The following SRPX variants were observed in gnomAD, a reference collection of about 807,000 sequenced individuals.
The protein encoded by SRPX is sushi repeat-containing protein SRPX.
Under a neutral mutation model 38.1 loss-of-function variants are expected in SRPX, and 24 were observed. The observed-to-expected ratio is 0.63, with a 90% CI of 0.46 to 0.89. SRPX has a LOEUF of 0.89. Among genes scored for constraint, SRPX ranks in the 40% least tolerant of loss-of-function variants. SRPX has a pLI of 0.00. For missense variants in SRPX, 416 were observed against 377.8 expected, an observed-to-expected ratio of 1.10 and a Z score of -0.84; for synonymous variants, 184 against 153.8, an observed-to-expected ratio of 1.20 and a Z score of -1.45.
chrX:38,153,608 C>A (rs1938065060), intron 9 of SRPX, among the ~76,000 whole-genome samples: 1 of 111,366 alleles, frequency 9.0e-6, no homozygotes, highest in Non-Finnish European at 1.9e-5. Context: ...AAGTGAATTG[C>A]AATCATGTAA....
At chrX:38,174,451 T>G in intron 2 of SRPX, 100 bp from the exon 3 acceptor site, 1 of 705,521 alleles carries the variant, frequency 1.4e-6, no homozygotes, top group Non-Finnish European at 1.9e-6. Flanking sequence ...ACATTCCAAA[T>G]TTTGGACCTT....
rs187394653 is a variant in SRPX, at chrX:38,172,368, G to A, written c.350-311C>T. ...CTCGGGAGGCTACGGCAGGAGGATC[G>A]CTTGAACCCAGGAGGCAGAGGTTGC... On this transcript the variant is annotated intron_variant, in intron 3 of 9. Transcript: ENST00000378533. 3.6e-3 allele frequency among the ~76,000 whole-genome samples: 406 copies of A among 113,065 alleles called. 2 individuals are homozygous for A. Among genetic ancestry groups the A allele is most frequent in the African/African-American group, 0.012 (384 of 31,195 alleles).
At chrX:38,216,864 A>G (rs1274728607) in intron 1 of SRPX, among the ~76,000 whole-genome samples, 1 of 112,580 alleles carries the variant, frequency 8.9e-6, no homozygotes, top group Non-Finnish European at 1.9e-5. Context: ...CAAAAATAAT[A>G]AATGCAAACT....
intron 1 of SRPX, among the ~76,000 whole-genome samples, chrX:38,179,185 A>T (rs1938623424): frequency 9.0e-6 from 1 of 111,200 alleles, no homozygotes; most frequent in Non-Finnish European, 1.9e-5. Flanking sequence ...ACCTCAGATG[A>T]TCTGCCCGCC....
At chrX:38,183,722 G>A (rs1938714808) in intron 1 of SRPX, among the ~76,000 whole-genome samples, 1 of 111,661 alleles carries the variant, frequency 9.0e-6, no homozygotes, top group African/African-American at 3.3e-5. Flanking sequence ...TGCTAATTGA[G>A]GTTTTATTAT....
At chrX:38,181,866 T>C (rs1452370950) in intron 1 of SRPX, among the ~76,000 whole-genome samples, 1 of 111,425 alleles carries the variant, frequency 9.0e-6, no homozygotes, top group Non-Finnish European at 1.9e-5. Context: ...CACTGCTTTC[T>C]ACCCACAAGT....
intron 1 of SRPX, among the ~76,000 whole-genome samples, chrX:38,219,243 G>T (rs1939469975): frequency 9.0e-6 from 1 of 110,568 alleles, no homozygotes; most frequent in African/African-American, 3.3e-5. Context: ...TCCCCAGCTT[G>T]AGAAAGGCTC....
At chrX:38,213,128 T>A (rs1313363061) in intron 1 of SRPX, among the ~76,000 whole-genome samples, 3 of 111,233 alleles carry the variant, frequency 2.7e-5, no homozygotes, top group Non-Finnish European at 5.7e-5. Flanking sequence ...TGATAAATAC[T>A]GTGTAATTCC....
chrX:38,209,817 G>A (rs1439589866), intron 1 of SRPX, among the ~76,000 whole-genome samples: 1 of 112,102 alleles, frequency 8.9e-6, no homozygotes, highest in African/African-American at 3.2e-5. Context: ...GGTGGCTTTC[G>A]TCTCAAAAAA....
chrX:38,153,243 G>T (rs1938050172), intron 9 of SRPX, among the ~76,000 whole-genome samples: 1 of 106,091 alleles, frequency 9.4e-6, no homozygotes, highest in Non-Finnish European at 1.9e-5. Context: ...GAGAACTCAT[G>T]AATCATCTTA....
At position 38,185,584 on chromosome X, in the gene SRPX, G is replaced by A. The variant is rs764439808; in HGVS notation, c.98-7240C>T. 9.0e-5 allele frequency among the ~76,000 whole-genome samples: 10 copies of A among 111,339 alleles called. No homozygotes were observed. The South Asian group carries it at 3.0e-3, about 34-fold the overall frequency. On this transcript the variant is annotated intron_variant, in intron 1 of 9. Transcript: ENST00000378533. ...TTAAAGTACCTTCAGTCTTACAAAA[G>A]GCCCCTTAGAGAGATTAAGGGTATC...
chrX:38,220,481 C>T, intron 1 of SRPX, among the ~76,000 whole-genome samples: 1 of 113,798 alleles, frequency 8.8e-6, no homozygotes, highest in Non-Finnish European at 1.9e-5. Flanking sequence ...GCGAGGGCGC[C>T]CCGCGCCTGG....
chrX:38,181,674 C>CTTA (rs1938675704), intron 1 of SRPX, among the ~76,000 whole-genome samples: 1 of 111,913 alleles, frequency 8.9e-6, no homozygotes, highest in African/African-American at 3.3e-5. Flanking sequence ...TCCATTGCTC[C>CTTA]AGCCCTTCCA....
chrX:38,199,671 T>C (rs748965742), intron 1 of SRPX, among the ~76,000 whole-genome samples: 1 of 109,207 alleles, frequency 9.2e-6, no homozygotes, highest in Non-Finnish European at 1.9e-5. Context: ...AGGCATTGCA[T>C]CTGAGGGAAA....
intron 2 of SRPX, among the ~76,000 whole-genome samples, chrX:38,177,756 T>C (rs779418648): frequency 1.1e-3 from 118 of 111,833 alleles, no homozygotes; most frequent in African/African-American, 3.6e-3. Context: ...AGTGGATTGC[T>C]GGGAATATGT....
intron 1 of SRPX, among the ~76,000 whole-genome samples, chrX:38,219,868 G>A (rs1465399496): frequency 8.9e-6 from 1 of 112,731 alleles, no homozygotes; most frequent in Non-Finnish European, 1.9e-5. Flanking sequence ...ATGGCACATT[G>A]CCCTACTCCC....
At chrX:38,174,845 G>A (rs751542948) in intron 2 of SRPX, among the ~76,000 whole-genome samples, 3 of 112,164 alleles carry the variant, frequency 2.7e-5, no homozygotes, top group Middle Eastern at 9.1e-3. Flanking sequence ...CGTCTGAGCC[G>A]TATGCACATT....
chrX:38,151,356 G>A (rs926944731), intron 9 of SRPX, among the ~76,000 whole-genome samples: 17 of 112,197 alleles, frequency 1.5e-4, no homozygotes, highest in African/African-American at 5.5e-4. Context: ...GAAGGATATT[G>A]AGTTTTCTTT....
chrX:38,150,001 A>G (rs1937981696), intron 9 of SRPX, 107 bp from the exon 10 acceptor site: 2 of 660,562 alleles, frequency 3.0e-6, no homozygotes, highest in South Asian at 7.5e-5. Flanking sequence ...AAGCTTTGAT[A>G]CAATGAAGGA....
Sources: gnomAD v4.1 joint callset for allele counts (sites outside exome capture counted in the v4.1 genomes callset) on GRCh38, gnomAD v4.1.1 for gene constraint, MANE v1.5 for transcripts, NCBI Gene and HGNC (gene_info 2026-07-23, HGNC 2026-07-21) for gene names.